MYOM2: variants seen among roughly 807,000 people sequenced by gnomAD.
The protein encoded by MYOM2 is myomesin-2.
A neutral mutation model predicts 187.6 loss-of-function variants in MYOM2; 254 were observed. The ratio of observed to expected loss-of-function variants is 1.35; its 90% CI spans 1.22 to 1.50. The LOEUF (loss-of-function observed/expected upper bound fraction) is 1.50, where lower values mean the gene tolerates loss of function less well. Among genes scored for constraint, MYOM2 ranks in the 40% most tolerant of loss-of-function variants. MYOM2 has a pLI of 0.00. For synonymous variants in MYOM2, 981 were observed against 753.8 expected (o/e 1.30, Z -4.94); for missense variants, 2,796 against 1,924.0 (o/e 1.45, Z -8.48).
At chr8:2,061,314 C>T (rs546859850) in intron 6 of MYOM2, among the ~76,000 whole-genome samples, 10 of 152,040 alleles carry the variant, frequency 6.6e-5, no homozygotes, top group Middle Eastern at 3.4e-3. Flanking sequence ...TGAGGGAGGG[C>T]GTCTTTGTCC....
intron 15 of MYOM2, among the ~76,000 whole-genome samples, chr8:2,092,097 G>C (rs1796322523): frequency 6.6e-6 from 1 of 152,168 alleles, no homozygotes; most frequent in Non-Finnish European, 1.5e-5. Context: ...GAGGATTCAG[G>C]ATGGATGTCA....
At chr8:2,103,864 G>C (rs1334598810) in intron 21 of MYOM2, among the ~76,000 whole-genome samples, 1 of 152,114 alleles carries the variant, frequency 6.6e-6, no homozygotes, top group African/African-American at 2.4e-5. Context: ...TGTATGTACA[G>C]GTATATGGAT....
intron 27 of MYOM2, among the ~76,000 whole-genome samples, chr8:2,117,618 C>A (rs533394340): frequency 3.9e-5 from 6 of 152,138 alleles, no homozygotes; most frequent in Non-Finnish European, 5.9e-5. Flanking sequence ...AGCCATCAGA[C>A]GTACGCTCCT....
intron 14 of MYOM2, 107 bp from the exon 15 acceptor site, chr8:2,089,901 G>T: frequency 9.9e-7 from 1 of 1,007,938 alleles, no homozygotes; most frequent in Non-Finnish European, 1.4e-6. Flanking sequence ...CAGCGGGCGC[G>T]CCTGGTGGTC....
intron 19 of MYOM2, among the ~76,000 whole-genome samples, chr8:2,099,331 A>C (rs1170891361): frequency 2.6e-5 from 4 of 152,182 alleles, no homozygotes; most frequent in Non-Finnish European, 4.4e-5. Flanking sequence ...ACCTACCCCA[A>C]AGGAGCAGGC....
chr8:2,101,955 C>G (rs1355738178), intron 20 of MYOM2: 1 of 152,232 alleles, frequency 6.6e-6, no homozygotes, highest in African/African-American at 2.4e-5. Context: ...CCCCAGGAGG[C>G]CTACATGCTC....
At chr8:2,058,716 C>G (rs1382775471) in intron 5 of MYOM2, among the ~76,000 whole-genome samples, 1 of 152,086 alleles carries the variant, frequency 6.6e-6, no homozygotes, top group Non-Finnish European at 1.5e-5. Flanking sequence ...TGCGGAGGTG[C>G]TGGGGTGGAT....
intron 22 of MYOM2, 21 bp from the exon 23 acceptor site, chr8:2,106,470 C>T: frequency 6.2e-7 from 1 of 1,610,478 alleles, no homozygotes; most frequent in Non-Finnish European, 8.5e-7. Flanking sequence ...TCGACATTCA[C>T]CTACTCTTCT....
chr8:2,142,107 A>G (rs986894235), intron 34 of MYOM2, among the ~76,000 whole-genome samples: 5 of 151,624 alleles, frequency 3.3e-5, no homozygotes, highest in Non-Finnish European at 7.4e-5. Context: ...TCAACCTGTG[A>G]GCTGGAATGC....
At chr8:2,141,873 C>T (rs1029846008) in intron 34 of MYOM2, among the ~76,000 whole-genome samples, 2 of 152,146 alleles carry the variant, frequency 1.3e-5, no homozygotes, top group Non-Finnish European at 2.9e-5. Flanking sequence ...GGCAGCACAT[C>T]ACACACAGCA....
At chr8:2,136,598 C>T (rs545551607) in intron 32 of MYOM2, among the ~76,000 whole-genome samples, 8 of 152,074 alleles carry the variant, frequency 5.3e-5, no homozygotes, top group African/African-American at 1.9e-4. Flanking sequence ...GGCCTAGGGC[C>T]GTCAGCATGA....
At chr8:2,062,571 C>T (rs1216195179) in intron 6 of MYOM2, among the ~76,000 whole-genome samples, 2 of 152,186 alleles carry the variant, frequency 1.3e-5, no homozygotes, top group Non-Finnish European at 2.9e-5. Flanking sequence ...TAGGCACAGG[C>T]TGCAAAGGAT....
intron 19 of MYOM2, 117 bp from the exon 20 acceptor site, chr8:2,100,759 C>A: frequency 1.1e-6 from 1 of 921,312 alleles, no homozygotes. Context: ...GGAACAGATA[C>A]GGATGGTCCT....
At chr8:2,126,073 C>T (rs762820719) in intron 31 of MYOM2, among the ~76,000 whole-genome samples, 1 of 152,126 alleles carries the variant, frequency 6.6e-6, no homozygotes, top group Non-Finnish European at 1.5e-5. Context: ...CCAAGGGCCA[C>T]TCATGGATAA....
At chr8:2,102,370 T>G (rs1796737880) in intron 20 of MYOM2, 1 of 293,952 alleles carries the variant, frequency 3.4e-6, no homozygotes, top group Non-Finnish European at 6.4e-6. Context: ...ATGTTAAATA[T>G]AAACACCAGA....
chr8:2,060,879 C>T (rs77091733), intron 6 of MYOM2, among the ~76,000 whole-genome samples: 1 of 152,032 alleles, frequency 6.6e-6, no homozygotes, highest in Admixed American at 6.6e-5. Flanking sequence ...GGAGAGAAAC[C>T]GGGCTCAGCT....
chr8:2,120,675 T>TATAGA lies in MYOM2; in HGVS notation c.3454-2577_3454-2576insATAGA, dbSNP rs1220891042. Among the ~76,000 whole-genome samples, 2 of 41,432 alleles carry TATAGA rather than the reference T, an allele frequency of 4.8e-5. 1 individual carries two copies. The highest frequency in any genetic ancestry group is 1.4e-4 in the African/African-American group (2 of 14,770). The allele number at this position is 41,432 out of a possible 152,430, so 27.2% of individuals were successfully genotyped here. A position where few individuals can be genotyped will look rare whatever the true frequency, so the allele number is the denominator to read the frequency against. On this transcript the variant is annotated intron_variant, in intron 28 of 36. Coordinates refer to ENST00000262113, the MANE Select transcript of MYOM2 (RefSeq NM_003970.4). ...GATTTCCTGTATATATATATATATA[T>TATAGA]TATATTATATATAAATATATAATAT...
At chr8:2,109,306 C>T (rs1256999567) in intron 24 of MYOM2, 89 bp from the exon 25 acceptor site, 1 of 1,378,852 alleles carries the variant, frequency 7.3e-7, no homozygotes, top group Non-Finnish European at 9.8e-7. Context: ...AATCTAATAA[C>T]TAGGATTGAT....
At chr8:2,097,780 G>A (rs1223085010) in intron 18 of MYOM2, among the ~76,000 whole-genome samples, 1 of 152,232 alleles carries the variant, frequency 6.6e-6, no homozygotes, top group Non-Finnish European at 1.5e-5. Context: ...GCCTCCCAAA[G>A]TGCGGGGATT....
Sources: allele counts gnomAD v4.1 joint callset (sites outside exome capture counted in the v4.1 genomes callset), GRCh38; gene constraint gnomAD v4.1.1; transcripts MANE v1.5; gene names NCBI Gene and HGNC (gene_info 2026-07-23, HGNC 2026-07-21).